SLC13A3: variants seen among roughly 807,000 people sequenced by gnomAD.
SLC13A3 encodes the protein solute carrier family 13 member 3.
SLC13A3 carries 40 observed loss-of-function variants against 59.0 expected under a neutral mutation model. The ratio of observed to expected loss-of-function variants is 0.68; its 90% CI spans 0.53 to 0.88. SLC13A3 has a LOEUF of 0.88. Among genes scored for constraint, SLC13A3 ranks in the 40% least tolerant of loss-of-function variants. The probability of loss-of-function intolerance (pLI) is 0.00; values close to 1 mark genes in which losing one functional copy is unlikely to be tolerated. For missense variants in SLC13A3, 699 were observed against 783.2 expected (o/e 0.89, Z 1.28); for synonymous variants, 317 against 330.3 (o/e 0.96, Z 0.44).
intron 1 of SLC13A3, 22 bp from the exon 2 acceptor site, chr20:46,613,747 C>G (rs1420763918): frequency 6.4e-7 from 1 of 1,569,976 alleles, no homozygotes; most frequent in South Asian, 1.2e-5. Context: ...GATGCATGCT[C>G]AGAGGGTCAG....
intron 1 of SLC13A3, among the ~76,000 whole-genome samples, chr20:46,617,489 T>G (rs1256980596): frequency 6.6e-6 from 1 of 152,118 alleles, no homozygotes; most frequent in African/African-American, 2.4e-5. Context: ...CTACAGTGCT[T>G]CTCAAACCCA....
chr20:46,567,194 T>C (rs1437928344), intron 10 of SLC13A3, among the ~76,000 whole-genome samples: 1 of 152,124 alleles, frequency 6.6e-6, no homozygotes, highest in Non-Finnish European at 1.5e-5. Flanking sequence ...TCTCAAAAGC[T>C]ACATATATAT....
chr20:46,577,934 G>T (rs2062095128), intron 9 of SLC13A3, among the ~76,000 whole-genome samples: 1 of 152,224 alleles, frequency 6.6e-6, no homozygotes, highest in African/African-American at 2.4e-5. Flanking sequence ...TGGTCCCACT[G>T]TGCAAAGGAC....
upstream of SLC13A3, among the ~76,000 whole-genome samples, chr20:46,670,827 C>A (rs1429100693): frequency 6.6e-6 from 1 of 152,084 alleles, no homozygotes; most frequent in Non-Finnish European, 1.5e-5. Context: ...ATGAACCAAC[C>A]TTGAAAATGA....
intron 1 of SLC13A3, among the ~76,000 whole-genome samples, chr20:46,675,309 A>G (rs190603646): frequency 1.3e-5 from 2 of 151,958 alleles, no homozygotes; most frequent in Admixed American, 1.3e-4. Context: ...ATCTCACTGC[A>G]ACCTCTGCCT....
chr20:46,677,406 G>A (rs567340913), intron 1 of SLC13A3, among the ~76,000 whole-genome samples: 10 of 151,930 alleles, frequency 6.6e-5, no homozygotes, highest in African/African-American at 1.2e-4. Context: ...GGGCAGCCAC[G>A]CTCCCAACCT....
At chr20:46,582,883 G>T in intron 9 of SLC13A3, 1 of 985,432 alleles carries the variant, frequency 1.0e-6, no homozygotes, top group Non-Finnish European at 1.2e-6. Context: ...GGAGTCGCAA[G>T]CTGGCAATCT....
chr20:46,640,686 CAT>C (rs1256681984), intron 1 of SLC13A3, among the ~76,000 whole-genome samples: 1 of 152,156 alleles, frequency 6.6e-6, no homozygotes, highest in African/African-American at 2.4e-5. Context: ...GGTGTGACCT[CAT>C]GTGGCTCTTC....
Position 46,660,672 on chromosome 20 carries a change from T to G in SLC13A3, c.-31+9371A>C, listed in dbSNP as rs182184095. 2.0e-5 allele frequency among the ~76,000 whole-genome samples: 3 copies of G among 152,210 alleles called. No individual in the cohort carries two copies. In the South Asian group the frequency reaches 6.2e-4, roughly 31 times the overall value. ...TGAGCTGCTTGGATCTGTGCATTGA[T>G]GTCTTTCATCAATTTTGGTATATTT... On this transcript the variant is annotated intron_variant, in intron 1 of 12. Transcript: ENST00000290317.
upstream of SLC13A3, among the ~76,000 whole-genome samples, chr20:46,671,041 C>T (rs76702484): frequency 0.024 from 3,653 of 152,208 alleles, 136 homozygotes; most frequent in African/African-American, 0.082. Flanking sequence ...TCATACTCTG[C>T]TATGAATGTT....
chr20:46,614,872 T>G (rs2062540059), intron 1 of SLC13A3, among the ~76,000 whole-genome samples: 1 of 152,092 alleles, frequency 6.6e-6, no homozygotes, highest in African/African-American at 2.4e-5. Context: ...TTAAATCTAA[T>G]CAGTGGTTGC....
intron 3 of SLC13A3, 118 bp from the exon 4 acceptor site, chr20:46,600,155 G>T: frequency 2.9e-6 from 1 of 339,910 alleles, no homozygotes; most frequent in Non-Finnish European, 4.8e-6. Context: ...ACTACTCACT[G>T]AATCAAAAGA....
intron 3 of SLC13A3, among the ~76,000 whole-genome samples, chr20:46,604,280 G>A (rs142021862): frequency 8.9e-4 from 135 of 152,178 alleles, no homozygotes; most frequent in African/African-American, 3.2e-3. Flanking sequence ...TCCAGATCCT[G>A]TCCTGGGTTC....
At chr20:46,608,264 CA>C (rs1281035313) in intron 3 of SLC13A3, among the ~76,000 whole-genome samples, 1 of 152,128 alleles carries the variant, frequency 6.6e-6, no homozygotes, top group Non-Finnish European at 1.5e-5. Flanking sequence ...TTTCCTGATA[CA>C]AAAATTATAT....
chr20:46,575,686 C>T lies in SLC13A3; in HGVS notation c.1220-1G>A, dbSNP rs778303084. ...AAGGGCTCTGTCTCTGTGTTGGGAG[C>T]TGGGCAGAGAGAGGGATTCAGCACA... On this transcript the variant is annotated splice_acceptor_variant, in intron 9 of 12. Transcript: ENST00000279027. LOFTEE classifies it high-confidence loss of function. 1 of 1,575,972 alleles carries T rather than the reference C, an allele frequency of 6.3e-7. No homozygotes were observed. The highest frequency in any genetic ancestry group is 8.6e-7 in the Non-Finnish European group (1 of 1,157,734).
chr20:46,623,432 T>G (rs1250703674), intron 1 of SLC13A3, among the ~76,000 whole-genome samples: 1 of 152,198 alleles, frequency 6.6e-6, no homozygotes, highest in African/African-American at 2.4e-5. Context: ...GGTCTAACTA[T>G]GTTGCCCAGG....
upstream of SLC13A3, among the ~76,000 whole-genome samples, chr20:46,672,010 A>G (rs549644682): frequency 1.3e-5 from 2 of 152,342 alleles, no homozygotes; most frequent in Admixed American, 1.3e-4. Context: ...CAACAAACAG[A>G]GGGTCACAGT....
chr20:46,643,236 T>C (rs939992613), intron 1 of SLC13A3, among the ~76,000 whole-genome samples: 2 of 140,700 alleles, frequency 1.4e-5, no homozygotes, highest in Non-Finnish European at 2.9e-5. Context: ...CACCAGCAGA[T>C]ACATAATTAA....
At chr20:46,587,268 C>G (rs774684872) in intron 8 of SLC13A3, among the ~76,000 whole-genome samples, 3 of 152,186 alleles carry the variant, frequency 2.0e-5, no homozygotes, top group Non-Finnish European at 4.4e-5. Flanking sequence ...CAATGAAAAA[C>G]GTACTAGTAT....
Sources: allele counts gnomAD v4.1 joint callset (sites outside exome capture counted in the v4.1 genomes callset), GRCh38; gene constraint gnomAD v4.1.1; transcripts MANE v1.5; gene names NCBI Gene and HGNC (gene_info 2026-07-23, HGNC 2026-07-21).